Variants in DPP3 observed in about 807,000 individuals in gnomAD.
DPP3 encodes the protein dipeptidyl peptidase 3.
A neutral mutation model predicts 89.8 loss-of-function variants in DPP3; 64 were observed. That is an observed-to-expected ratio of 0.71 (90% confidence interval 0.58 to 0.88). The LOEUF (loss-of-function observed/expected upper bound fraction) is 0.88, where lower values mean the gene tolerates loss of function less well. Ranked by LOEUF, DPP3 falls within the 40% of genes least tolerant of loss-of-function variation. DPP3 has a pLI of 0.00. For missense variants in DPP3, 835 were observed against 972.5 expected (o/e 0.86, Z 1.88); for synonymous variants, 377 against 404.3 (o/e 0.93, Z 0.81).
Position 66,492,701 on chromosome 11 carries a change from CT to C in DPP3, c.989-14del. The C allele has an allele frequency of 1.3e-6, 2 of 1,557,126 alleles. No individual in the cohort carries two copies. The highest frequency in any genetic ancestry group is 1.7e-6 in the Non-Finnish European group (2 of 1,153,472). Reference sequence around the variant, plus strand: ...TGGAACCCTGCCAAGCCACAACCCCCTCCCTCCTCTGCAGGTTTCGTAGCTG... The same window carrying C: ...TGGAACCCTGCCAAGCCACAACCCCCCCCTCCTCTGCAGGTTTCGTAGCTG... On this transcript the variant is annotated splice_polypyrimidine_tract_variant and intron_variant, in intron 9 of 17. Coordinates refer to ENST00000531863, the MANE Select transcript of DPP3 (RefSeq NM_130443.4).
intron 10 of DPP3, 29 bp downstream of exon 10, chr11:66,492,939 C>A: frequency 1.9e-6 from 3 of 1,597,962 alleles, no homozygotes; most frequent in Non-Finnish European, 2.6e-6. Context: ...GCCCCCGAGC[C>A]CCAGAAACCT....
At chr11:66,494,212 CACAG>C (rs887167013) in intron 12 of DPP3, among the ~76,000 whole-genome samples, 5 of 152,146 alleles carry the variant, frequency 3.3e-5, no homozygotes, top group African/African-American at 9.7e-5. Context: ...AATATGGAAA[CACAG>C]ACAGTCATTT....
intron 15 of DPP3, among the ~76,000 whole-genome samples, 165 bp from the exon 16 acceptor site, chr11:66,497,133 C>T (rs1721131275): frequency 6.6e-6 from 1 of 152,182 alleles, no homozygotes; most frequent in South Asian, 2.1e-4. Context: ...GGAGAATAAG[C>T]AGAAAAGGAC....
At chr11:66,481,372 C>A (rs1308251502) in intron 1 of DPP3, among the ~76,000 whole-genome samples, 1 of 152,128 alleles carries the variant, frequency 6.6e-6, no homozygotes, top group Non-Finnish European at 1.5e-5. Flanking sequence ...CGCCTGTAGT[C>A]CCAACTACTT....
rs1219894892 is a variant in DPP3, at chr11:66,509,132, T to C, written c.2095T>C (p.Ser699Pro). The change falls in exon 18 of 18, where the codon TCC becomes CCC. Residue 699 changes from serine (S) to proline (P), a missense_variant. Transcript: ENST00000531863. ...GGCGTCAGCTGCTGGCCTCATCCGA[T>C]CCTTCTCTGAGCGTTTCCCAGAGGA... ...YEASAAGLIR[S>P]FSERFPEDGP... The C allele has an allele frequency of 6.2e-7, 1 of 1,614,198 alleles. No individual in the cohort carries two copies.
intron 15 of DPP3, among the ~76,000 whole-genome samples, chr11:66,496,527 G>A (rs964706948): frequency 4.0e-5 from 6 of 151,622 alleles, no homozygotes; most frequent in Admixed American, 1.3e-4. Flanking sequence ...CCATTCTCTC[G>A]CCTCAGCCTC....
chr11:66,481,021 A>C (rs1356037166), intron 1 of DPP3: 1 of 152,362 alleles, frequency 6.6e-6, no homozygotes, highest in Non-Finnish European at 1.5e-5. Context: ...TAGCGCACCC[A>C]CCTGGTAATA....
intron 16 of DPP3, among the ~76,000 whole-genome samples, chr11:66,504,164 C>T (rs1855746036): frequency 6.7e-6 from 1 of 149,248 alleles, no homozygotes; most frequent in African/African-American, 2.5e-5. Context: ...CGGGGTCTCA[C>T]TATGTTAACC....
At position 66,509,231 on chromosome 11, in the gene DPP3, G is replaced by T. The variant is rs1266213161; in HGVS notation, c.2194G>T (p.Ala732Ser). Residue 732 changes from alanine (A) to serine (S), a missense_variant, in exon 18 of 18, where the codon GCC (alanine) becomes TCC (serine). Transcript: ENST00000531863. ...DARFWKGPSE[A>S]PSGQA ...CCGATTCTGGAAGGGCCCCAGTGAG[G>T]CCCCATCTGGCCAAGCTTGAGGAAG... 1 of 1,611,978 alleles carries T rather than the reference G, an allele frequency of 6.2e-7. No homozygotes were observed. Among genetic ancestry groups the T allele is most frequent in the Admixed American group, 1.7e-5 (1 of 59,418 alleles).
intron 17 of DPP3, among the ~76,000 whole-genome samples, chr11:66,506,036 G>C (rs900613958): frequency 3.9e-5 from 6 of 151,958 alleles, no homozygotes; most frequent in African/African-American, 1.4e-4. Flanking sequence ...TGCAACCTCC[G>C]CCTCTGGGTT....
chr11:66,491,465 C>G (rs201668190), intron 7 of DPP3, 29 bp from the exon 8 acceptor site: 2 of 1,595,626 alleles, frequency 1.3e-6, no homozygotes, highest in Non-Finnish European at 1.7e-6. Context: ...GTGGGTGGCC[C>G]GAGGCTGACC....
chr11:66,498,742 C>T (rs1855605464), intron 16 of DPP3, among the ~76,000 whole-genome samples: 2 of 152,142 alleles, frequency 1.3e-5, no homozygotes, highest in African/African-American at 4.8e-5. Flanking sequence ...GCTCAGTTTC[C>T]CTGGCGTGAT....
chr11:66,501,979 T>C (rs575938530), intron 16 of DPP3, among the ~76,000 whole-genome samples: 4 of 152,046 alleles, frequency 2.6e-5, no homozygotes, highest in Non-Finnish European at 5.9e-5. Flanking sequence ...GGGCAGATCA[T>C]GAGGTCAAAC....
rs1163723002 is a variant in DPP3 at position 66,487,949 on chromosome 11, G to C, written c.609G>C (p.Glu203Asp). 6.2e-7 allele frequency: 1 copy of C among 1,614,006 alleles called. No individual in the cohort carries two copies. The highest frequency in any genetic ancestry group is 8.5e-7 in the Non-Finnish European group (1 of 1,180,002). ...LSAYNTRLFKEVDGEGKPYYE... is the reference protein window; with the variant it reads ...LSAYNTRLFKDVDGEGKPYYE... ...CCTACAACACCCGGCTCTTCAAAGA[G>C]GTCGATGGAGAAGGGAAGCCCTACT... Residue 203 changes from glutamate (E) to aspartate (D), a missense_variant, in exon 6 of 18, where the codon GAG (glutamate) becomes GAC (aspartate). Physicochemically the swap from Glu to Asp is conservative, Grantham distance 45. Transcript: ENST00000531863.
At chr11:66,486,858 C>T (rs1472038741) in intron 4 of DPP3, among the ~76,000 whole-genome samples, 181 bp downstream of exon 4, 1 of 152,116 alleles carries the variant, frequency 6.6e-6, no homozygotes. Context: ...CATGTTGGGT[C>T]GAATGCTTTC....
intron 3 of DPP3, among the ~76,000 whole-genome samples, 159 bp downstream of exon 3, chr11:66,485,421 A>G (rs1348141726): frequency 2.6e-5 from 4 of 152,160 alleles, no homozygotes; most frequent in African/African-American, 9.7e-5. Context: ...CACCAGCCTC[A>G]CTGGGTGCTG....
rs1409097752 is a variant in DPP3 at position 66,486,610 on chromosome 11, G to A, written c.431G>A (p.Trp144Ter). ...CACCCAGAAGAAGTCAGGGGCCTCT[G>A]GCAGACCTGCGGGGAGCTTATGTTC... ...QQHPEEVRGL[W>*]QTCGELMFSL... The change falls in exon 4 of 18, where the codon TGG becomes TAG. Residue 144 changes from tryptophan (W) to a stop codon, truncating the protein, a stop_gained. Transcript: ENST00000531863. LOFTEE classifies it high-confidence loss of function. 6.3e-7 allele frequency: 1 copy of A among 1,588,048 alleles called. No individual in the cohort carries two copies.
chr11:66,495,320 G>C (rs377158023), intron 13 of DPP3, 45 bp from the exon 14 acceptor site: 2 of 1,613,782 alleles, frequency 1.2e-6, no homozygotes, highest in South Asian at 1.1e-5. Context: ...GGGCACAGGT[G>C]GGGCAGTGGC....
In DPP3 at chr11:66,482,351, C is replaced by G; in HGVS notation, c.151C>G (p.Gln51Glu). Residue 51 changes from glutamine (Q) to glutamate (E), a missense_variant, in exon 2 of 18, where the codon CAG becomes GAG. Transcript: ENST00000531863. The stretch of plus-strand genomic sequence containing the variant: ...GTACGGAGGCCTGGCTGTGCTGCTT[C>G]AGACCTCCCCTGAGGCCCCCTACAT... ...AWYGGLAVLL[Q>E]TSPEAPYIYA... is the part of the protein sequence containing the mutation. 1 of 1,613,380 alleles carries G rather than the reference C, an allele frequency of 6.2e-7. No homozygotes were observed. Among genetic ancestry groups the G allele is most frequent in the Non-Finnish European group, 8.5e-7 (1 of 1,180,042 alleles).
Sources: gnomAD v4.1 joint callset for allele counts (sites outside exome capture counted in the v4.1 genomes callset) on GRCh38, gnomAD v4.1.1 for gene constraint, MANE v1.5 for transcripts, NCBI Gene and HGNC (gene_info 2026-07-23, HGNC 2026-07-21) for gene names.